Variants in MED12L observed in about 807,000 individuals in gnomAD.
MED12L encodes the protein mediator complex subunit 12L, also known as mediator of RNA polymerase II transcription subunit 12-like protein.
Under a neutral mutation model 281.3 loss-of-function variants are expected in MED12L, and 60 were observed. The ratio of observed to expected loss-of-function variants is 0.21; its 90% CI spans 0.17 to 0.26. MED12L has a LOEUF of 0.26. Ranked by LOEUF, MED12L falls within the 10% of genes least tolerant of loss-of-function variation. The pLI is 1.00. For synonymous variants in MED12L, 974 were observed against 987.2 expected (o/e 0.99, Z 0.25); for missense variants, 2,146 against 2,680.9 (o/e 0.80, Z 4.41).
intron 11 of MED12L, among the ~76,000 whole-genome samples, chr3:151,172,479 T>C (rs1272765681): frequency 1.3e-5 from 2 of 152,222 alleles, no homozygotes; most frequent in African/African-American, 2.4e-5. Flanking sequence ...CACACACAGA[T>C]ACCCATCACG....
chr3:151,192,227 T>C (rs1285434559), intron 14 of MED12L, among the ~76,000 whole-genome samples: 1 of 152,214 alleles, frequency 6.6e-6, no homozygotes, highest in Non-Finnish European at 1.5e-5. Flanking sequence ...TAGTCTTATA[T>C]TTTTCTTAAT....
In MED12L at chr3:151,141,190, T is replaced by TTTTTGTTTTTTTTG. The variant is rs1560087974; in HGVS notation, c.556+13210_556+13211insGTTTTTTTTGTTTT. On this transcript the variant is annotated intron_variant, in intron 5 of 44. Transcript: ENST00000687756. The stretch of plus-strand genomic sequence containing the variant: ...CGTTTTTTTTTTTGTTTTTTTTGTT[T>TTTTTGTTTTTTTTG]TTTTTTTTTTGTTAGTAGAGACGGG... 3.0e-5 allele frequency among the ~76,000 whole-genome samples: 4 copies of TTTTTGTTTTTTTTG among 135,108 alleles called. 1 individual carries two copies. Among genetic ancestry groups the TTTTTGTTTTTTTTG allele is most frequent in the African/African-American group, 5.7e-5 (2 of 34,784 alleles). 88.6% of individuals were successfully genotyped at this position (135,108 alleles called of 152,430 possible).
chr3:151,112,311 C>G (rs566145720), intron 2 of MED12L, among the ~76,000 whole-genome samples: 6 of 147,492 alleles, frequency 4.1e-5, no homozygotes, highest in Non-Finnish European at 7.4e-5. Context: ...GATGGAGTCT[C>G]GCTCTGTTGC....
At chr3:151,102,445 C>A (rs1301565154) in intron 2 of MED12L, among the ~76,000 whole-genome samples, 1 of 152,050 alleles carries the variant, frequency 6.6e-6, no homozygotes, top group Non-Finnish European at 1.5e-5. Flanking sequence ...GAATAATTGG[C>A]CTAAAAGTAA....
intron 39 of MED12L, among the ~76,000 whole-genome samples, chr3:151,396,003 C>T (rs1409455130): frequency 3.3e-5 from 5 of 152,254 alleles, no homozygotes; most frequent in East Asian, 3.9e-4. Context: ...TGTATGATGA[C>T]GCAAGCAACA....
chr3:151,309,499 C>T (rs1214020073), intron 16 of MED12L, among the ~76,000 whole-genome samples: 1 of 152,184 alleles, frequency 6.6e-6, no homozygotes, highest in Admixed American at 6.5e-5. Flanking sequence ...TACCTGCCCA[C>T]TTTATAGTTC....
intron 42 of MED12L, among the ~76,000 whole-genome samples, chr3:151,415,568 A>G (rs1203710170): frequency 3.3e-5 from 5 of 152,260 alleles, no homozygotes; most frequent in Admixed American, 6.5e-5. Flanking sequence ...ATAGTATGCA[A>G]ACCAAGTTGG....
chr3:151,345,367 C>T (rs796811983), intron 16 of MED12L, among the ~76,000 whole-genome samples: 2 of 152,262 alleles, frequency 1.3e-5, no homozygotes, highest in South Asian at 2.1e-4. Context: ...TACAACTGTG[C>T]AACTTGAGGG....
rs1050082372 is a variant in MED12L, at chr3:151,185,319, T to C, written c.1495-11T>C. ...TTGATGTGGCTGGTACCCCTCTCTG[T>C]TGGTCATTAGGTTGCGCCCAACGAT... On this transcript the variant is annotated splice_polypyrimidine_tract_variant and intron_variant, in intron 11 of 44. Transcript: ENST00000687756. 2 of 1,613,060 alleles carry C rather than the reference T, an allele frequency of 1.2e-6. No homozygotes were observed. The highest frequency in any genetic ancestry group is 1.3e-5 in the African/African-American group (1 of 74,978).
intron 43 of MED12L, among the ~76,000 whole-genome samples, chr3:151,428,655 G>A (rs1719128175): frequency 6.6e-6 from 1 of 152,186 alleles, no homozygotes; most frequent in Non-Finnish European, 1.5e-5. Flanking sequence ...TGAACCAGCT[G>A]TCATGCCAAA....
intron 16 of MED12L, among the ~76,000 whole-genome samples, chr3:151,253,934 T>C (rs1044939207): frequency 1.8e-4 from 28 of 152,216 alleles, no homozygotes; most frequent in Admixed American, 9.8e-4. Context: ...CTACTTTTTT[T>C]TTCTTCTTCT....
intron 28 of MED12L, 88 bp downstream of exon 28, chr3:151,376,302 C>A: frequency 9.3e-7 from 1 of 1,075,286 alleles, no homozygotes; most frequent in Non-Finnish European, 1.3e-6. Context: ...TTTGTCCTTG[C>A]TAATTTGTGA....
chr3:151,238,287 C>T (rs1733349385), intron 16 of MED12L, among the ~76,000 whole-genome samples: 1 of 152,164 alleles, frequency 6.6e-6, no homozygotes, highest in African/African-American at 2.4e-5. Context: ...GCTGGGACTA[C>T]AGGCACCTGC....
In MED12L at chr3:151,355,888, T is replaced by C. The variant is rs1344085579; in HGVS notation, c.2518-8T>C. 3.1e-6 allele frequency: 5 copies of C among 1,601,454 alleles called. No individual in the cohort carries two copies. In the South Asian group the frequency reaches 5.7e-5, roughly 18 times the overall value. On this transcript the variant is annotated splice_polypyrimidine_tract_variant and splice_region_variant and intron_variant, in intron 18 of 44. Transcript: ENST00000687756. ...GGTCTTACAATATTTTTGTTTTTAT[T>C]TGCACAGATTTCTAACAATGTGCTA...
At chr3:151,318,306 T>C (rs1429941227) in intron 16 of MED12L, among the ~76,000 whole-genome samples, 1 of 152,082 alleles carries the variant, frequency 6.6e-6, no homozygotes, top group Non-Finnish European at 1.5e-5. Flanking sequence ...CTCTCTGTGC[T>C]ATTTTATACT....
In MED12L at chr3:151,434,982, C is replaced by A. The variant is rs1371001085; in HGVS notation, c.*2178C>A. 1 of 149,364 alleles carries A rather than the reference C, an allele frequency of 6.7e-6. No individual in the cohort carries two copies. Among genetic ancestry groups the A allele is most frequent in the Non-Finnish European group, 1.5e-5 (1 of 67,770 alleles). 9.3% of individuals were successfully genotyped at this position (149,364 alleles called of 1,614,324 possible). ...AAAGTTGAGGAATGCTGTTTTACCC[C>A]TGCGCATTATAAAGAAAATAACTAG... is the stretch of plus-strand genomic sequence containing the variant. On this transcript the variant is annotated 3_prime_UTR_variant, in exon 45 of 45. Coordinates refer to ENST00000687756, the MANE Select transcript of MED12L (RefSeq NM_001393769.1).
intron 2 of MED12L, among the ~76,000 whole-genome samples, chr3:151,107,540 T>C (rs1722225322): frequency 6.6e-6 from 1 of 152,192 alleles, no homozygotes; most frequent in African/African-American, 2.4e-5. Context: ...GAGTTGTGGC[T>C]TGAAAAATAT....
rs114767680 is a variant in MED12L, at chr3:151,386,360, A to G, written c.5088+1169A>G. ...GGAAACAGTCAATTTACAGGTGGCA[A>G]TTGAACCTTGGTTTTATTTTGTTTT... On this transcript the variant is annotated intron_variant, in intron 36 of 44. Coordinates refer to ENST00000687756, the MANE Select transcript of MED12L (RefSeq NM_001393769.1). Among the ~76,000 whole-genome samples, 1,419 of 152,272 alleles carry G rather than the reference A, an allele frequency of 9.3e-3. 8 individuals carry two copies. The highest frequency in any genetic ancestry group is 0.015 in the Non-Finnish European group (995 of 68,006).
chr3:151,230,810 C>A (rs959140720), intron 16 of MED12L, among the ~76,000 whole-genome samples: 1 of 152,126 alleles, frequency 6.6e-6, no homozygotes, highest in African/African-American at 2.4e-5. Flanking sequence ...AAGTGAAACC[C>A]CCCTGCCAAT....
Sources: allele counts gnomAD v4.1 joint callset (sites outside exome capture counted in the v4.1 genomes callset), GRCh38; gene constraint gnomAD v4.1.1; transcripts MANE v1.5; gene names NCBI Gene and HGNC (gene_info 2026-07-23, HGNC 2026-07-21).